The following L3MBTL4 variants were observed in gnomAD, a reference collection of about 807,000 sequenced individuals.
The protein encoded by L3MBTL4 is lethal(3)malignant brain tumor-like protein 4.
L3MBTL4 carries 70 observed loss-of-function variants against 84.5 expected under a neutral mutation model. That is an observed-to-expected ratio of 0.83 (90% CI 0.68 to 1.01). L3MBTL4 has a LOEUF of 1.01. Ranked by LOEUF, L3MBTL4 falls within the 50% of genes least tolerant of loss-of-function variation. The pLI is 0.00. For synonymous variants in L3MBTL4, 274 were observed against 259.8 expected (o/e 1.05, Z -0.52); for missense variants, 715 against 754.8 (o/e 0.95, Z 0.62).
intron 1 of L3MBTL4, among the ~76,000 whole-genome samples, chr18:6,365,462 G>T (rs2053894443): frequency 3.3e-5 from 5 of 152,112 alleles, no homozygotes; most frequent in Admixed American, 2.6e-4. Context: ...ATCCTCAGAA[G>T]AAATAAATGG....
intron 4 of L3MBTL4, among the ~76,000 whole-genome samples, chr18:6,278,285 T>C (rs189022770): frequency 1.6e-4 from 24 of 152,282 alleles, no homozygotes; most frequent in Admixed American, 1.6e-3. Context: ...TTGCAAAGAA[T>C]GGAAGTTAAA....
intron 16 of L3MBTL4, among the ~76,000 whole-genome samples, chr18:6,020,846 G>T (rs73376057): frequency 2.6e-4 from 40 of 152,238 alleles, no homozygotes; most frequent in African/African-American, 9.1e-4. Flanking sequence ...TGGGGTGGAC[G>T]TGCTCACTAA....
chr18:6,353,088 G>C (rs896465833), intron 1 of L3MBTL4, among the ~76,000 whole-genome samples: 4 of 151,998 alleles, frequency 2.6e-5, no homozygotes, highest in African/African-American at 9.7e-5. Flanking sequence ...CTTTAAAAAG[G>C]CACATTCTGT....
intron 1 of L3MBTL4, among the ~76,000 whole-genome samples, chr18:6,386,379 GC>G (rs1331018291): frequency 1.3e-5 from 2 of 152,176 alleles, no homozygotes; most frequent in Non-Finnish European, 2.9e-5. Flanking sequence ...CATATCAAGG[GC>G]CAGGAGCAAC....
At chr18:6,327,854 G>A (rs1053792530) in intron 1 of L3MBTL4, among the ~76,000 whole-genome samples, 2 of 152,126 alleles carry the variant, frequency 1.3e-5, no homozygotes, top group African/African-American at 2.4e-5. Flanking sequence ...AATTTTATAC[G>A]TTCTCATATT....
At chr18:6,046,538 A>G (rs2056626897) in intron 16 of L3MBTL4, among the ~76,000 whole-genome samples, 1 of 152,190 alleles carries the variant, frequency 6.6e-6, no homozygotes, top group Admixed American at 6.5e-5. Flanking sequence ...AAAAAAAATT[A>G]GTAATCATAC....
chr18:6,285,809 A>ATAT (rs139613072), intron 4 of L3MBTL4, among the ~76,000 whole-genome samples: 33,779 of 143,068 alleles, frequency 0.24, 4,121 homozygotes, highest in Middle Eastern at 0.31. Flanking sequence ...TTTAAAAGAT[A>ATAT]TATTATTATT....
intron 14 of L3MBTL4, among the ~76,000 whole-genome samples, chr18:6,134,882 C>T (rs759458023): frequency 6.6e-5 from 10 of 152,310 alleles, no homozygotes; most frequent in Non-Finnish European, 1.0e-4. Context: ...CACAGCTCCA[C>T]TAGGCAGTGC....
intron 12 of L3MBTL4, among the ~76,000 whole-genome samples, chr18:6,201,224 G>A (rs778567569): frequency 1.2e-4 from 18 of 152,198 alleles, no homozygotes; most frequent in Non-Finnish European, 2.4e-4. Flanking sequence ...AGAAGACAGT[G>A]AATTGCTTCA....
At chr18:6,070,026 TA>T (rs1234312851) in intron 16 of L3MBTL4, among the ~76,000 whole-genome samples, 1 of 152,040 alleles carries the variant, frequency 6.6e-6, no homozygotes. Context: ...AAGCATGTAC[TA>T]AAAACGGAGG....
At chr18:6,354,956 G>A (rs978828672) in intron 1 of L3MBTL4, among the ~76,000 whole-genome samples, 7 of 152,142 alleles carry the variant, frequency 4.6e-5, no homozygotes, top group African/African-American at 1.7e-4. Flanking sequence ...GAAAGGAAAT[G>A]AGCATATCAA....
intron 12 of L3MBTL4, among the ~76,000 whole-genome samples, chr18:6,173,918 T>C (rs577420033): frequency 1.3e-5 from 2 of 152,206 alleles, no homozygotes; most frequent in South Asian, 4.2e-4. Context: ...GAAACAAAGA[T>C]ACTAGAGGTC....
At chr18:6,317,931 G>A (rs1020992637) in intron 1 of L3MBTL4, among the ~76,000 whole-genome samples, 2 of 152,084 alleles carry the variant, frequency 1.3e-5, no homozygotes, top group Non-Finnish European at 2.9e-5. Context: ...AAAGCCAGAA[G>A]GAATTGGGAT....
At chr18:6,126,190 C>T (rs28504424) in intron 14 of L3MBTL4, among the ~76,000 whole-genome samples, 2,400 of 152,214 alleles carry the variant, frequency 0.016, 69 homozygotes, top group African/African-American at 0.055. Flanking sequence ...GATTATGGGA[C>T]TATAAGTGGT....
chr18:6,029,918 G>C, intron 16 of L3MBTL4: 1 of 985,360 alleles, frequency 1.0e-6, no homozygotes, highest in Non-Finnish European at 1.2e-6. Context: ...GAGTACAGAA[G>C]ACACTTTTTA....
intron 16 of L3MBTL4, among the ~76,000 whole-genome samples, chr18:5,988,404 T>C (rs2053555137): frequency 6.6e-6 from 1 of 152,222 alleles, no homozygotes; most frequent in South Asian, 2.1e-4. Flanking sequence ...TGCTCATCTC[T>C]TCCAAATCTT....
At chr18:6,030,080 A>C (rs1454058631) in intron 16 of L3MBTL4, 1 of 984,474 alleles carries the variant, frequency 1.0e-6, no homozygotes, top group Non-Finnish European at 1.2e-6. Flanking sequence ...TTATTGCTAA[A>C]GGACACGAGG....
chr18:6,303,032 C>T (rs73387642), intron 3 of L3MBTL4, among the ~76,000 whole-genome samples: 26,884 of 151,912 alleles, frequency 0.18, 2,434 homozygotes, highest in Middle Eastern at 0.22. Flanking sequence ...AAATTGGGAA[C>T]GGAATTTCCC....
At chr18:6,377,761 T>A (rs2054429858) in intron 1 of L3MBTL4, among the ~76,000 whole-genome samples, 1 of 152,226 alleles carries the variant, frequency 6.6e-6, no homozygotes, top group Non-Finnish European at 1.5e-5. Context: ...TTTGCTATTG[T>A]GAATAGCGCC....
Sources: allele counts gnomAD v4.1 joint callset (sites outside exome capture counted in the v4.1 genomes callset), GRCh38; gene constraint gnomAD v4.1.1; transcripts MANE v1.5; gene names NCBI Gene and HGNC (gene_info 2026-07-23, HGNC 2026-07-21).